The following CFAP46 variants were observed in gnomAD, a reference collection of about 807,000 sequenced individuals.
The protein encoded by CFAP46 is cilia and flagella associated protein 46, also known as cilia- and flagella-associated protein 46.
In CFAP46, 245 loss-of-function variants were observed where a neutral mutation model predicts 325.7. The observed-to-expected ratio is 0.75, with a 90% CI of 0.68 to 0.84. CFAP46 has a LOEUF of 0.84. CFAP46 is among the 40% of genes least tolerant of loss of function. The probability of loss-of-function intolerance (pLI) is 0.00; values close to 1 mark genes in which losing one functional copy is unlikely to be tolerated. For synonymous variants in CFAP46, 1,523 were observed against 1,495.9 expected (o/e 1.02, Z -0.42); for missense variants, 3,346 against 3,543.0 (o/e 0.94, Z 1.41).
rs184587003 is a variant in CFAP46 at position 132,918,409 on chromosome 10, C to G, written c.1970G>C (p.Gly657Ala). The G allele has an allele frequency of 6.5e-7, 1 of 1,548,864 alleles. No individual in the cohort carries two copies. Among genetic ancestry groups the G allele is most frequent in the Non-Finnish European group, 8.7e-7 (1 of 1,145,976 alleles). The change falls in exon 16 of 58, where the codon GGG (glycine) becomes GCG (alanine). Residue 657 changes from glycine to alanine, a missense_variant. By Grantham distance (60) the Gly-to-Ala change is moderately conservative. Coordinates refer to ENST00000368586, the MANE Select transcript of CFAP46 (RefSeq NM_001200049.3). ...ATGACGCACCTCAGCATGGATGAAC[C>G]CCACCTCCGCGAACTTCCGCAGCAG... Reference protein sequence around the residue: ...PDLLRKFAEVGFIHAEATVHL... With the variant: ...PDLLRKFAEVAFIHAEATVHL...
chr10:132,887,508 C>T (rs1380438992), intron 25 of CFAP46, among the ~76,000 whole-genome samples: 1 of 114,328 alleles, frequency 8.7e-6, no homozygotes, highest in Non-Finnish European at 1.9e-5. Flanking sequence ...TATTTCCTCT[C>T]CTCTCTCTCT....
chr10:132,822,476 C>T lies in CFAP46; in HGVS notation c.7118-7562G>A, dbSNP rs1305979085. ...TGTGCTGTGTGAGTGCTGATGTGTG[C>T]TGTGTGTGCTGTGTGTGCTGATGTG... On this transcript the variant is annotated intron_variant, in intron 50 of 57. Transcript: ENST00000368586. 8.5e-5 allele frequency among the ~76,000 whole-genome samples: 10 copies of T among 117,966 alleles called. 1 individual carries two copies. The highest frequency in any genetic ancestry group is 1.7e-4 in the Non-Finnish European group (10 of 58,886). The allele number at this position is 117,966 out of a possible 152,430, so 77.4% of individuals were successfully genotyped here.
In CFAP46 at chr10:132,922,665, G is replaced by C. The variant is rs545521977; in HGVS notation, c.1300C>G (p.Gln434Glu). 650 of 1,549,842 alleles carry C rather than the reference G, an allele frequency of 4.2e-4. No homozygotes were observed. Among genetic ancestry groups the C allele is most frequent in the Non-Finnish European group, 5.5e-4 (628 of 1,146,774 alleles). Residue 434 changes from glutamine to glutamate, a missense_variant, in exon 12 of 58, where the codon CAG becomes GAG. Gln to Glu is a conservative substitution (Grantham distance 29). Transcript: ENST00000368586. ...AGCCGGTCCTCGTCCTCCTCGATCT[G>C]CGCCATCTCCATGTGCACTTGACAG... ...LRCQVHMEMA[Q>E]IEEDEDRLEP...
At chr10:132,856,355 G>A (rs1344517852) in intron 39 of CFAP46, among the ~76,000 whole-genome samples, 1 of 152,176 alleles carries the variant, frequency 6.6e-6, no homozygotes, top group Non-Finnish European at 1.5e-5. Context: ...TCTTGGATCT[G>A]TGGGTTTGTA....
At chr10:132,887,048 ATCT>A (rs1849143383) in intron 25 of CFAP46, among the ~76,000 whole-genome samples, 1 of 124,538 alleles carries the variant, frequency 8.0e-6, no homozygotes, top group African/African-American at 3.0e-5. Flanking sequence ...TTCTCCTCTC[ATCT>A]TCTCTCTGGC....
At chr10:132,897,640 G>A (rs35661645) in intron 24 of CFAP46, among the ~76,000 whole-genome samples, 39,950 of 152,184 alleles carry the variant, frequency 0.26, 6,401 homozygotes, top group Admixed American at 0.45. Context: ...CCATGTGTGG[G>A]TTGGCAGGTT....
In CFAP46 at chr10:132,869,297, G is replaced by A. The variant is rs776601287; in HGVS notation, c.4587C>T (p.Cys1529=). The change falls in exon 33 of 58, where the codon TGC becomes TGT. Residue 1529 remains cysteine, a synonymous_variant. Coordinates refer to ENST00000368586, the MANE Select transcript of CFAP46 (RefSeq NM_001200049.3). The surrounding 1 kb of genome is among the most constrained non-coding windows in gnomAD (Gnocchi z 6.2). ...ACCTGGCCTGCTCCAGCTCGCTGAC[G>A]CACACCTGCCCGACCGCCTCTTCAT... ...ARHEEAVGQV[C]VSELEQASCR... 71 of 1,537,600 alleles carry A rather than the reference G, an allele frequency of 4.6e-5. 1 individual carries two copies. The highest frequency in any genetic ancestry group is 1.6e-4 in the African/African-American group (12 of 72,744).
chr10:132,861,147 G>C (rs1306385435), intron 35 of CFAP46, among the ~76,000 whole-genome samples, 165 bp from the exon 36 acceptor site: 2 of 152,102 alleles, frequency 1.3e-5, no homozygotes, highest in Non-Finnish European at 2.9e-5. Flanking sequence ...TGGAAGGGTG[G>C]GGCCCATGGC....
rs140185143 is a variant in CFAP46 at position 132,922,700 on chromosome 10, G to A, written c.1265C>T (p.Thr422Met). 1,869 of 1,546,438 alleles carry A rather than the reference G, an allele frequency of 1.2e-3. 7 individuals are homozygous for A. The highest frequency in any genetic ancestry group is 7.7e-3 in the Middle Eastern group (46 of 5,960). ...DVLEKLDSLM[T>M]LLRCQVHMEM... Reference sequence around the variant, plus strand: ...CATGTGCACTTGACAGCGGAGAAGCGTCATGAGGCTGCGGGGGTGGCGTGG... The same window carrying A: ...CATGTGCACTTGACAGCGGAGAAGCATCATGAGGCTGCGGGGGTGGCGTGG... Residue 422 changes from threonine to methionine, a missense_variant, in exon 12 of 58, where the codon ACG (threonine) becomes ATG (methionine). Coordinates refer to ENST00000368586, the MANE Select transcript of CFAP46 (RefSeq NM_001200049.3).
chr10:132,875,464 A>AT (rs1458042184), intron 31 of CFAP46, among the ~76,000 whole-genome samples: 4 of 152,222 alleles, frequency 2.6e-5, no homozygotes, highest in African/African-American at 4.8e-5. Context: ...AGGTAAGGAG[A>AT]TTTTCTCTAC....
rs553808567 is a variant in CFAP46 at position 132,919,893 on chromosome 10, G to A, written c.1730+166C>T. Among the ~76,000 whole-genome samples the A allele has an allele frequency of 7.9e-5, 12 of 152,186 alleles. No individual in the cohort carries two copies. The highest frequency in any genetic ancestry group is 2.2e-4 in the African/African-American group (9 of 41,534). ...CAGGCTGGGGGGTCCCGTCTGTGGCGGGACTCCCAGGCAGGGACCTCGTCC... is the reference window on the plus strand; with the variant it reads ...CAGGCTGGGGGGTCCCGTCTGTGGCAGGACTCCCAGGCAGGGACCTCGTCC... On this transcript the variant is annotated intron_variant, in intron 14 of 57. Transcript: ENST00000368586. This position sits in a 1 kb window ranked among gnomAD's most constrained non-coding sequence, Gnocchi z 9.7.
chr10:132,899,420 CG>C, intron 23 of CFAP46, 114 bp downstream of exon 23: 1 of 1,391,508 alleles, frequency 7.2e-7, no homozygotes, highest in Non-Finnish European at 9.5e-7. Context: ...CACCTCCCCT[CG>C]CCGGCAGGAG....
chr10:132,842,556 C>G (rs980220937), intron 44 of CFAP46, among the ~76,000 whole-genome samples: 16 of 152,242 alleles, frequency 1.1e-4, no homozygotes, highest in African/African-American at 3.6e-4. Context: ...CTGCTCATTA[C>G]TCAGTTCCAT....
intron 22 of CFAP46, among the ~76,000 whole-genome samples, chr10:132,907,598 G>A (rs1293022677): frequency 3.3e-5 from 5 of 152,212 alleles, no homozygotes; most frequent in Admixed American, 1.3e-4. Context: ...GCTGTATGTC[G>A]TTAGAAATGG....
rs796890990 is a variant in CFAP46 at position 132,822,657 on chromosome 10, CTG to C, written c.7118-7745_7118-7744del. On this transcript the variant is annotated intron_variant, in intron 50 of 57. Transcript: ENST00000368586. Reference sequence around the variant, plus strand: ...TGTGCTGTCTGTGCGCTGATGTGTGCTGTGTGTGCGCTTGTGTGTGCTGTGTG... The same window carrying C: ...TGTGCTGTCTGTGCGCTGATGTGTGCTGTGTGCGCTTGTGTGTGCTGTGTG... Among the ~76,000 whole-genome samples the C allele has an allele frequency of 1.2e-3, 150 of 123,016 alleles. 4 individuals carry two copies. Among genetic ancestry groups the C allele is most frequent in the African/African-American group, 3.9e-3 (121 of 31,122 alleles). The allele number at this position is 123,016 out of a possible 152,430, so 80.7% of individuals were successfully genotyped here. A position where few individuals can be genotyped will look rare whatever the true frequency, so the allele number is the denominator to read the frequency against.
chr10:132,882,224 G>A (rs1299942472), intron 27 of CFAP46, among the ~76,000 whole-genome samples: 1 of 150,896 alleles, frequency 6.6e-6, no homozygotes, highest in African/African-American at 2.4e-5. Context: ...TGTGTGGGAT[G>A]TGGGGTGTGA....
intron 26 of CFAP46, 30 bp downstream of exon 26, chr10:132,885,791 G>C (rs1849119124): frequency 1.3e-6 from 2 of 1,527,266 alleles, no homozygotes; most frequent in Non-Finnish European, 1.8e-6. Flanking sequence ...GGTGGAGGGA[G>C]CACTCACAGG....
At chr10:132,916,130 A>G (rs1194149190) in intron 17 of CFAP46, among the ~76,000 whole-genome samples, 1 of 152,174 alleles carries the variant, frequency 6.6e-6, no homozygotes, top group African/African-American at 2.4e-5. Flanking sequence ...TTCCCACAAT[A>G]GGAGGGAGAG....
At chr10:132,861,026 G>A in intron 35 of CFAP46, 44 bp from the exon 36 acceptor site, 1 of 1,530,766 alleles carries the variant, frequency 6.5e-7, no homozygotes, top group Non-Finnish European at 8.8e-7. Flanking sequence ...CTCTACAGAT[G>A]TGTGCAGGCA....
Sources: allele counts gnomAD v4.1 joint callset (sites outside exome capture counted in the v4.1 genomes callset), GRCh38; gene constraint gnomAD v4.1.1; non-coding constraint Gnocchi (gnomAD v3.1); transcripts MANE v1.5; gene names NCBI Gene and HGNC (gene_info 2026-07-23, HGNC 2026-07-21).